The following ADAMTSL1 variants were observed in gnomAD, a reference collection of about 807,000 sequenced individuals.
ADAMTSL1 encodes the protein ADAMTS like 1, also known as ADAMTS-like protein 1.
Under a neutral mutation model 201.8 loss-of-function variants are expected in ADAMTSL1, and 126 were observed. The ratio of observed to expected loss-of-function variants is 0.62; its 90% CI spans 0.54 to 0.72. ADAMTSL1 has a LOEUF of 0.72. ADAMTSL1 is among the 30% of genes least tolerant of loss of function. The probability of loss-of-function intolerance (pLI) is 0.00; values close to 1 mark genes in which losing one functional copy is unlikely to be tolerated. For synonymous variants in ADAMTSL1, 1,121 were observed against 903.4 expected (o/e 1.24, Z -4.32); for missense variants, 2,679 against 2,277.8 (o/e 1.18, Z -3.59).
chr9:18,865,914 C>T (rs979422798), intron 23 of ADAMTSL1, among the ~76,000 whole-genome samples: 10 of 151,896 alleles, frequency 6.6e-5, no homozygotes, highest in East Asian at 1.9e-4. Flanking sequence ...GGAAATGCTC[C>T]GCATATACGT....
At chr9:18,182,104 C>G (rs1828507765) in intron 2 of ADAMTSL1, among the ~76,000 whole-genome samples, 1 of 134,412 alleles carries the variant, frequency 7.4e-6, no homozygotes, top group South Asian at 2.3e-4. Context: ...CTCATGGACA[C>G]AGGAAGGGGA....
intron 2 of ADAMTSL1, among the ~76,000 whole-genome samples, chr9:18,289,742 T>C (rs191250188): frequency 6.6e-5 from 10 of 152,344 alleles, no homozygotes; most frequent in Non-Finnish European, 1.3e-4. Flanking sequence ...TCATTTTTAT[T>C]CAGCTGTTGA....
intron 2 of ADAMTSL1, among the ~76,000 whole-genome samples, chr9:18,188,541 T>G (rs1346440666): frequency 2.0e-5 from 3 of 152,048 alleles, no homozygotes; most frequent in African/African-American, 7.2e-5. Context: ...TAGGTGAAAA[T>G]CACTGGAAGA....
intron 23 of ADAMTSL1, among the ~76,000 whole-genome samples, chr9:18,875,385 T>G (rs1309871663): frequency 6.6e-6 from 1 of 152,190 alleles, no homozygotes; most frequent in African/African-American, 2.4e-5. Context: ...AATGTAGACA[T>G]TCAATGCTGT....
intron 15 of ADAMTSL1, among the ~76,000 whole-genome samples, chr9:18,726,209 A>G (rs928838888): frequency 1.3e-5 from 2 of 152,216 alleles, no homozygotes; most frequent in African/African-American, 4.8e-5. Context: ...AAGTCTTAAT[A>G]CTTAAGCTTC....
At chr9:18,287,364 T>C (rs1037807102) in intron 2 of ADAMTSL1, among the ~76,000 whole-genome samples, 2 of 151,990 alleles carry the variant, frequency 1.3e-5, no homozygotes, top group Non-Finnish European at 2.9e-5. Context: ...TACATACATA[T>C]ACACACATAC....
chr9:18,174,223 T>TC (rs1828036516), intron 2 of ADAMTSL1, among the ~76,000 whole-genome samples: 1 of 152,008 alleles, frequency 6.6e-6, no homozygotes, highest in Non-Finnish European at 1.5e-5. Context: ...TCCCAAGGAG[T>TC]CCCTTAGTTG....
intron 1 of ADAMTSL1, among the ~76,000 whole-genome samples, chr9:17,948,941 A>T (rs894117384): frequency 6.6e-6 from 1 of 152,180 alleles, no homozygotes; most frequent in Middle Eastern, 3.2e-3. Flanking sequence ...CATGGGAAGA[A>T]ACTGAGGATG....
At chr9:18,236,056 T>G (rs1409060467) in intron 2 of ADAMTSL1, among the ~76,000 whole-genome samples, 1 of 152,216 alleles carries the variant, frequency 6.6e-6, no homozygotes, top group Non-Finnish European at 1.5e-5. Flanking sequence ...AGACCCATAA[T>G]GATTGTTGCA....
intron 2 of ADAMTSL1, among the ~76,000 whole-genome samples, chr9:18,236,792 G>GTGCAA (rs1460189861): frequency 6.6e-6 from 1 of 152,180 alleles, no homozygotes; most frequent in Non-Finnish European, 1.5e-5. Context: ...TGCAAATGCA[G>GTGCAA]TGCAATGCAA....
chr9:18,380,129 T>C (rs922148393), intron 2 of ADAMTSL1, among the ~76,000 whole-genome samples: 10 of 152,242 alleles, frequency 6.6e-5, no homozygotes, highest in Non-Finnish European at 1.2e-4. Context: ...GTTTTAAGAT[T>C]TCTCACTGTT....
chr9:18,246,427 G>C (rs1831260650), intron 2 of ADAMTSL1, among the ~76,000 whole-genome samples: 1 of 152,078 alleles, frequency 6.6e-6, no homozygotes, highest in African/African-American at 2.4e-5. Flanking sequence ...TATTAGGCTG[G>C]TCTAAGGGTA....
chr9:18,874,334 G>A (rs1466593887), intron 23 of ADAMTSL1, among the ~76,000 whole-genome samples: 2 of 152,110 alleles, frequency 1.3e-5, no homozygotes, highest in African/African-American at 4.8e-5. Context: ...CCAGTACTAT[G>A]TTGAAGAGAA....
At chr9:18,482,402 T>C (rs1230430292) in intron 1 of ADAMTSL1, among the ~76,000 whole-genome samples, 1 of 152,254 alleles carries the variant, frequency 6.6e-6, no homozygotes, top group Non-Finnish European at 1.5e-5. Flanking sequence ...TTCATTGCTT[T>C]TTCAGATTTT....
chr9:18,351,760 CCT>C (rs1835974383), intron 2 of ADAMTSL1, among the ~76,000 whole-genome samples: 1 of 152,054 alleles, frequency 6.6e-6, no homozygotes, highest in African/African-American at 2.4e-5. Context: ...TATTTATTGC[CCT>C]TTAAAAATAC....
intron 14 of ADAMTSL1, among the ~76,000 whole-genome samples, chr9:18,714,584 T>C (rs1271582675): frequency 7.0e-6 from 1 of 143,304 alleles, no homozygotes; most frequent in Non-Finnish European, 1.6e-5. Context: ...AATAACAGGA[T>C]CTGAAATTGT....
At chr9:18,785,409 C>T (rs755053018) in intron 19 of ADAMTSL1, among the ~76,000 whole-genome samples, 1 of 152,176 alleles carries the variant, frequency 6.6e-6, no homozygotes, top group Non-Finnish European at 1.5e-5. Flanking sequence ...TTTTCTTCTA[C>T]TGATAGCGCT....
intron 17 of ADAMTSL1, among the ~76,000 whole-genome samples, chr9:18,772,969 A>C (rs1437937336): frequency 6.6e-6 from 1 of 152,198 alleles, no homozygotes. Context: ...GGAAGTAATC[A>C]CTGAATTGTT....
chr9:18,822,921 G>T (rs1192819457), intron 21 of ADAMTSL1, among the ~76,000 whole-genome samples: 1 of 152,104 alleles, frequency 6.6e-6, no homozygotes, highest in Non-Finnish European at 1.5e-5. Context: ...ACATTCAAGG[G>T]CTGGTGACGT....
Sources: gnomAD v4.1 joint callset for allele counts (sites outside exome capture counted in the v4.1 genomes callset) on GRCh38, gnomAD v4.1.1 for gene constraint, MANE v1.5 for transcripts, NCBI Gene and HGNC (gene_info 2026-07-23, HGNC 2026-07-21) for gene names.